The following CEMIP2 variants were observed in gnomAD, a reference collection of about 807,000 sequenced individuals.
CEMIP2 encodes cell surface hyaluronidase CEMIP2.
CEMIP2 carries 79 observed loss-of-function variants against 146.9 expected under a neutral mutation model. The observed-to-expected ratio is 0.54, with a 90% CI of 0.45 to 0.65. The LOEUF is 0.65. Among genes scored for constraint, CEMIP2 ranks in the 30% least tolerant of loss-of-function variants. The pLI, the probability that CEMIP2 is intolerant of heterozygous loss-of-function variation, is 0.00. For synonymous variants in CEMIP2, 601 were observed against 606.3 expected, an observed-to-expected ratio of 0.99 and a Z score of 0.13; for missense variants, 1,596 against 1,696.2, an observed-to-expected ratio of 0.94 and a Z score of 1.04.
Position 71,740,113 on chromosome 9 carries a change from G to A in CEMIP2, c.1154C>T (p.Thr385Ile). Residue 385 changes from threonine (T) to isoleucine (I), a missense_variant, in exon 5 of 24, where the codon ACT becomes ATT. Transcript: ENST00000377044. ...GKALAQREFY[T>I]VDGQKFSVTA... ...CACAGAGAACTTCTGGCCATCCACA[G>A]TATAAAATTCTCTTTGGGCAAGAGC... 6.2e-7 allele frequency: 1 copy of A among 1,613,988 alleles called. No individual in the cohort carries two copies. Among genetic ancestry groups the A allele is most frequent in the Non-Finnish European group, 8.5e-7 (1 of 1,180,012 alleles).
At chr9:71,755,381 A>ACACACACACAC (rs55856832) in intron 1 of CEMIP2, among the ~76,000 whole-genome samples, 39 of 149,194 alleles carry the variant, frequency 2.6e-4, no homozygotes, top group South Asian at 4.3e-4. Context: ...ACACACACAC[A>ACACACACACAC]AAATTAAATC....
chr9:71,686,263 C>T (rs1054041602), intron 22 of CEMIP2: 5 of 171,316 alleles, frequency 2.9e-5, no homozygotes, highest in Admixed American at 1.7e-4. Flanking sequence ...CTGTGGCATT[C>T]AACTCTCATA....
chr9:71,766,194 G>C (rs1246336791), intron 1 of CEMIP2, among the ~76,000 whole-genome samples: 1 of 151,054 alleles, frequency 6.6e-6, no homozygotes, highest in Non-Finnish European at 1.5e-5. Context: ...TCAGCCTCCC[G>C]AGTAGCTGGG....
intron 1 of CEMIP2, among the ~76,000 whole-genome samples, chr9:71,756,847 C>G (rs1308629631): frequency 6.6e-6 from 1 of 152,158 alleles, no homozygotes; most frequent in Non-Finnish European, 1.5e-5. Flanking sequence ...ATAGTTTTAA[C>G]TACACATTAT....
intron 10 of CEMIP2, among the ~76,000 whole-genome samples, chr9:71,725,994 G>A (rs11142978): frequency 0.53 from 80,196 of 151,984 alleles, 24,370 homozygotes; most frequent in Non-Finnish European, 0.69. Flanking sequence ...CATTATCTAC[G>A]TTAAAAGTTA....
At chr9:71,759,386 G>A (rs1232572903) in intron 1 of CEMIP2, among the ~76,000 whole-genome samples, 1 of 152,176 alleles carries the variant, frequency 6.6e-6, no homozygotes, top group Admixed American at 6.5e-5. Context: ...GGGGGTCATA[G>A]GCTTTTGGCT....
intron 21 of CEMIP2, among the ~76,000 whole-genome samples, chr9:71,692,433 C>T (rs1439483982): frequency 3.3e-5 from 5 of 150,044 alleles, no homozygotes; most frequent in Non-Finnish European, 7.4e-5. Context: ...GACTCAGCAC[C>T]CACCTGCTTC....
rs768791670 is a variant in CEMIP2 at position 71,730,194 on chromosome 9, A to G, written c.1833T>C (p.Ile611=). ...TGTGGAACAAAGTATTCCTCTGTTC[A>G]ATACCATCTTCCAAAAAGAAACAAT... The part of the protein sequence containing the change: ...LGHCFFLEDG[I]EQRNTLFHNL... Residue 611 remains isoleucine (I), a synonymous_variant, in exon 9 of 24, where the codon ATT becomes ATC. Coordinates refer to ENST00000377044, the MANE Select transcript of CEMIP2 (RefSeq NM_013390.3). The G allele has an allele frequency of 2.5e-6, 4 of 1,614,218 alleles. No individual in the cohort carries two copies. The South Asian group carries it at 4.4e-5, about 18-fold the overall frequency.
At chr9:71,727,540 T>C (rs1823425079) in intron 10 of CEMIP2, among the ~76,000 whole-genome samples, 3 of 152,344 alleles carry the variant, frequency 2.0e-5, no homozygotes, top group East Asian at 1.9e-4. Context: ...AGATATGAGT[T>C]CAAACCATCA....
chr9:71,715,670 AG>A (rs1298767158), intron 14 of CEMIP2, among the ~76,000 whole-genome samples: 1 of 100,548 alleles, frequency 9.9e-6, no homozygotes, highest in African/African-American at 2.8e-5. Flanking sequence ...TTAAAGAGAC[AG>A]GGTCTCATTC....
chr9:71,750,319 C>G lies in CEMIP2; in HGVS notation c.55G>C (p.Gly19Arg). 1.9e-6 allele frequency: 3 copies of G among 1,613,886 alleles called. No homozygotes were observed. Among genetic ancestry groups the G allele is most frequent in the Non-Finnish European group, 2.5e-6 (3 of 1,179,998 alleles). ...HSPAFLQPQN[G>R]NSRHPSGYVP... ...TAGCCAGATGGGTGACGACTATTTC[C>G]ATTCTGAGGTTGGAGGAAAGCAGGG... Residue 19 changes from glycine (G) to arginine (R), a missense_variant, in exon 2 of 24, where the codon GGA becomes CGA. Gly to Arg is a moderately radical substitution (Grantham distance 125). Coordinates refer to ENST00000377044, the MANE Select transcript of CEMIP2 (RefSeq NM_013390.3).
chr9:71,715,725 G>C (rs546056601), intron 14 of CEMIP2, among the ~76,000 whole-genome samples: 4 of 148,724 alleles, frequency 2.7e-5, no homozygotes, highest in Non-Finnish European at 5.9e-5. Flanking sequence ...GAGCTCACAG[G>C]ATACTGCCAT....
intron 22 of CEMIP2, among the ~76,000 whole-genome samples, chr9:71,687,976 C>T (rs750713036): frequency 2.0e-5 from 3 of 152,200 alleles, no homozygotes; most frequent in African/African-American, 7.2e-5. Context: ...CCTGTCCTAG[C>T]CTCCTCAGTA....
In CEMIP2 at chr9:71,761,753, G is replaced by A. The variant is rs560534789; in HGVS notation, c.-13+6604C>T. ...CTACATTCAAGAAGCTCACAGCCCA[G>A]CATTTGGGGGTAGAAAGAGTAGGGA... On this transcript the variant is annotated intron_variant, in intron 1 of 23. Transcript: ENST00000377044. Among the ~76,000 whole-genome samples the A allele has an allele frequency of 7.9e-5, 12 of 152,286 alleles. No individual in the cohort carries two copies. The South Asian group carries it at 2.5e-3, about 32-fold the overall frequency.
intron 10 of CEMIP2, among the ~76,000 whole-genome samples, chr9:71,726,174 G>GCC (rs767631235): frequency 6.6e-6 from 1 of 151,954 alleles, no homozygotes; most frequent in Non-Finnish European, 1.5e-5. Flanking sequence ...CAAGTCTAAT[G>GCC]CCCTTCCTGT....
chr9:71,718,716 A>G (rs1045224641), intron 12 of CEMIP2, among the ~76,000 whole-genome samples: 2 of 152,022 alleles, frequency 1.3e-5, no homozygotes, highest in Non-Finnish European at 2.9e-5. Flanking sequence ...AGCTGGGATT[A>G]CAGGCATCCA....
chr9:71,716,989 C>T (rs1055386599), intron 13 of CEMIP2, among the ~76,000 whole-genome samples: 3 of 152,138 alleles, frequency 2.0e-5, no homozygotes, highest in Non-Finnish European at 2.9e-5. Context: ...ATGGGCAACA[C>T]AGGGACACTC....
chr9:71,704,476 G>T, intron 18 of CEMIP2, 119 bp downstream of exon 18: 3 of 997,912 alleles, frequency 3.0e-6, no homozygotes, highest in Non-Finnish European at 3.1e-6. Flanking sequence ...CCCCACAAGA[G>T]AAGCAAAGTA....
intron 4 of CEMIP2, among the ~76,000 whole-genome samples, chr9:71,740,657 A>C (rs1823887384): frequency 6.6e-6 from 1 of 152,240 alleles, no homozygotes; most frequent in Admixed American, 6.5e-5. Flanking sequence ...AGTTTGAAAA[A>C]TATATCAATG....
Sources: gnomAD v4.1 joint callset for allele counts (sites outside exome capture counted in the v4.1 genomes callset) on GRCh38, gnomAD v4.1.1 for gene constraint, MANE v1.5 for transcripts, NCBI Gene and HGNC (gene_info 2026-07-23, HGNC 2026-07-21) for gene names.